ASTN1: variants seen among roughly 807,000 people sequenced by gnomAD.
ASTN1 encodes astrotactin-1.
ASTN1 carries 41 observed loss-of-function variants against 140.7 expected under a neutral mutation model. That is an observed-to-expected ratio of 0.29 (90% CI 0.23 to 0.38). ASTN1 has a LOEUF of 0.38. Among genes scored for constraint, ASTN1 ranks in the 10% least tolerant of loss-of-function variants. The probability of loss-of-function intolerance (pLI) is 1.00; values close to 1 mark genes in which losing one functional copy is unlikely to be tolerated. For synonymous variants in ASTN1, 640 were observed against 652.2 expected (o/e 0.98, Z 0.29); for missense variants, 1,479 against 1,678.8 (o/e 0.88, Z 2.08).
chr1:177,087,859 C>A (rs1251649133), intron 1 of ASTN1, among the ~76,000 whole-genome samples: 1 of 152,166 alleles, frequency 6.6e-6, no homozygotes, highest in East Asian at 1.9e-4. Flanking sequence ...TCTTCATTTT[C>A]ACCTCACTGA....
chr1:177,083,059 C>T (rs1302556101), intron 1 of ASTN1, among the ~76,000 whole-genome samples: 8 of 151,978 alleles, frequency 5.3e-5, no homozygotes, highest in Admixed American at 2.6e-4. Flanking sequence ...TCTCATTAGC[C>T]TTGACTTCTT....
In ASTN1 at chr1:177,001,178, C is replaced by G. The variant is rs142495089; in HGVS notation, c.1523+13613G>C. Among the ~76,000 whole-genome samples, 285 of 152,286 alleles carry G rather than the reference C, an allele frequency of 1.9e-3. 3 individuals are homozygous for G. The highest frequency in any genetic ancestry group is 6.3e-3 in the African/African-American group (261 of 41,572). On this transcript the variant is annotated intron_variant, in intron 8 of 22. Coordinates refer to ENST00000361833, the MANE Select transcript of ASTN1 (RefSeq NM_004319.3). ...CACATTTCTTATTTAGCAAGTACTT[C>G]TGGAACATCCACTATGTTCCAGACA...
chr1:177,121,942 CA>C (rs1681408758), intron 1 of ASTN1, among the ~76,000 whole-genome samples: 1 of 152,142 alleles, frequency 6.6e-6, no homozygotes, highest in Admixed American at 6.6e-5. Context: ...AGGATTGAAG[CA>C]GATGCAAGAA....
intron 7 of ASTN1, among the ~76,000 whole-genome samples, chr1:177,015,682 A>G (rs936517820): frequency 2.0e-5 from 3 of 152,164 alleles, no homozygotes; most frequent in African/African-American, 4.8e-5. Flanking sequence ...GCAAAACTGT[A>G]TATGTGTGTA....
chr1:177,113,975 G>A (rs1244746275), intron 1 of ASTN1, among the ~76,000 whole-genome samples: 1 of 152,134 alleles, frequency 6.6e-6, no homozygotes, highest in Admixed American at 6.5e-5. Context: ...AACTCATAGG[G>A]GACTGAGCTT....
At chr1:176,944,070 T>G in intron 13 of ASTN1, 52 bp from the exon 14 acceptor site, 1 of 1,574,592 alleles carries the variant, frequency 6.4e-7, no homozygotes, top group Non-Finnish European at 8.6e-7. Context: ...ACCTGACTCC[T>G]TACTGAGCAT....
intron 8 of ASTN1, among the ~76,000 whole-genome samples, chr1:177,002,035 T>C (rs1674752126): frequency 6.6e-6 from 1 of 152,168 alleles, no homozygotes; most frequent in African/African-American, 2.4e-5. Context: ...GTTAATGCAG[T>C]CTTAGGGCCT....
At chr1:177,038,178 C>T (rs1477237104) in intron 2 of ASTN1, among the ~76,000 whole-genome samples, 1 of 152,226 alleles carries the variant, frequency 6.6e-6, no homozygotes, top group African/African-American at 2.4e-5. Flanking sequence ...CCTCCTTCAG[C>T]TAACTCCTAC....
intron 3 of ASTN1, 71 bp downstream of exon 3, chr1:177,032,385 C>T: frequency 6.4e-7 from 1 of 1,553,346 alleles, no homozygotes; most frequent in Admixed American, 1.7e-5. Flanking sequence ...TGTCACACAG[C>T]TGTTCCTACC....
At chr1:176,914,286 T>C (rs1169854456) in intron 16 of ASTN1, among the ~76,000 whole-genome samples, 1 of 152,010 alleles carries the variant, frequency 6.6e-6, no homozygotes, top group Non-Finnish European at 1.5e-5. Flanking sequence ...TCACAGGACT[T>C]TGGAGGAGAG....
At chr1:177,138,175 C>G (rs541812611) in intron 1 of ASTN1, among the ~76,000 whole-genome samples, 3 of 152,194 alleles carry the variant, frequency 2.0e-5, no homozygotes, top group Non-Finnish European at 4.4e-5. Flanking sequence ...GCCAACATAT[C>G]CTATCACCTT....
intron 2 of ASTN1, among the ~76,000 whole-genome samples, chr1:177,051,062 C>G (rs1677517435): frequency 6.6e-6 from 1 of 152,212 alleles, no homozygotes; most frequent in South Asian, 2.1e-4. Flanking sequence ...CTAAACTCAT[C>G]AGTGTCTCTC....
At chr1:176,939,562 A>T (rs529968779) in intron 14 of ASTN1, among the ~76,000 whole-genome samples, 71 of 152,142 alleles carry the variant, frequency 4.7e-4, no homozygotes, top group African/African-American at 1.6e-3. Context: ...AAAGATATAT[A>T]TTTTCTAGGT....
At position 176,913,797 on chromosome 1, in the gene ASTN1, A is replaced by G. The variant is rs149105477; in HGVS notation, c.2672-18967T>C. 7.1e-4 allele frequency among the ~76,000 whole-genome samples: 108 copies of G among 152,330 alleles called. No homozygotes were observed. The Middle Eastern group carries it at 0.014, about 19-fold the overall frequency. The stretch of plus-strand genomic sequence containing the variant: ...TCATGATTGGAAAGTAGATAAGAGA[A>G]TGTTTTACCTGAAACCAGCCTACAT... On this transcript the variant is annotated intron_variant, in intron 16 of 22. Transcript: ENST00000361833.
chr1:176,897,968 T>C (rs1669594879), intron 16 of ASTN1, among the ~76,000 whole-genome samples: 1 of 152,072 alleles, frequency 6.6e-6, no homozygotes, highest in South Asian at 2.1e-4. Flanking sequence ...ATGCGGCCAC[T>C]AGAGGGCGCT....
intron 1 of ASTN1, among the ~76,000 whole-genome samples, chr1:177,063,744 T>A (rs1480665818): frequency 2.0e-5 from 3 of 152,050 alleles, no homozygotes; most frequent in Admixed American, 1.3e-4. Context: ...CTCCTGTGAG[T>A]GCCTGTCCTG....
chr1:177,018,198 G>C (rs559621743), intron 7 of ASTN1, among the ~76,000 whole-genome samples: 1 of 152,334 alleles, frequency 6.6e-6, no homozygotes, highest in East Asian at 1.9e-4. Context: ...AAGGGAGTCA[G>C]AGGGAAGTGT....
chr1:176,991,993 AAT>A (rs1674198911), intron 8 of ASTN1, among the ~76,000 whole-genome samples: 1 of 152,246 alleles, frequency 6.6e-6, no homozygotes, highest in African/African-American at 2.4e-5. Flanking sequence ...ATGTCTGAAC[AAT>A]GTAATAAGTC....
chr1:176,865,774 A>T (rs1243707525), intron 22 of ASTN1, among the ~76,000 whole-genome samples: 1 of 152,230 alleles, frequency 6.6e-6, no homozygotes, highest in South Asian at 2.1e-4. Context: ...TACAAAAGAA[A>T]GGTTTAATTG....
Sources: gnomAD v4.1 joint callset for allele counts (sites outside exome capture counted in the v4.1 genomes callset) on GRCh38, gnomAD v4.1.1 for gene constraint, MANE v1.5 for transcripts, NCBI Gene and HGNC (gene_info 2026-07-23, HGNC 2026-07-21) for gene names.